The following BOP1 variants were observed in gnomAD, a reference collection of about 807,000 sequenced individuals.
The protein encoded by BOP1 is ribosome biogenesis protein BOP1.
BOP1 carries 54 observed loss-of-function variants against 82.9 expected under a neutral mutation model. That is an observed-to-expected ratio of 0.65 (90% CI 0.52 to 0.82). The LOEUF is 0.82. BOP1 is among the 40% of genes least tolerant of loss of function. The pLI, the probability that BOP1 is intolerant of heterozygous loss-of-function variation, is 0.00. For synonymous variants in BOP1, 566 were observed against 451.1 expected, an observed-to-expected ratio of 1.25 and a Z score of -3.23; for missense variants, 1,170 against 1,072.0, an observed-to-expected ratio of 1.09 and a Z score of -1.28.
At position 144,262,462 on chromosome 8, in the gene BOP1, C is replaced by G; in HGVS notation, c.2021G>C (p.Arg674Pro). The G allele has an allele frequency of 6.2e-7, 1 of 1,612,868 alleles. No homozygotes were observed. Among genetic ancestry groups the G allele is most frequent in the Non-Finnish European group, 8.5e-7 (1 of 1,179,826 alleles). Reference sequence around the variant, plus strand: ...CGAGCCTGACGCAAAGAGTGGGTACCGCGGGTGGAAGGCCACAGCCCGCAG... The same window carrying G: ...CGAGCCTGACGCAAAGAGTGGGTACGGCGGGTGGAAGGCCACAGCCCGCAG... ...KALRAVAFHP[R>P]YPLFASGSDD... The change falls in exon 15 of 16, where the codon CGG (arginine) becomes CCG (proline). Residue 674 changes from arginine to proline, a missense_variant. Coordinates refer to ENST00000569669, the MANE Select transcript of BOP1 (RefSeq NM_015201.5).
chr8:144,263,294 T>A lies in BOP1; in HGVS notation c.1532A>T (p.Gln511Leu), dbSNP rs782523473. ...TGAGGCCTCCAGCCAGCGGGCCGGC[T>A]GCAAGGGGGGCTCCTCAGGCGGGAC... ...AFVPPEEPPLQPARWLEASEE... is the reference protein window; with the variant it reads ...AFVPPEEPPLLPARWLEASEE... The change falls in exon 12 of 16, where the codon CAG becomes CTG. Residue 511 changes from glutamine to leucine, a missense_variant. By Grantham distance (113) the Gln-to-Leu change is moderately radical (BLOSUM62 -2). Coordinates refer to ENST00000569669, the MANE Select transcript of BOP1 (RefSeq NM_015201.5). 6.3e-7 allele frequency: 1 copy of A among 1,594,296 alleles called. No individual in the cohort carries two copies. The highest frequency in any genetic ancestry group is 1.1e-5 in the South Asian group (1 of 90,618).
chr8:144,263,097 G>C lies in BOP1; in HGVS notation c.1650C>G (p.Ala550=), dbSNP rs1488579196. 2.5e-6 allele frequency: 4 copies of C among 1,592,534 alleles called. No individual in the cohort carries two copies. The highest frequency in any genetic ancestry group is 8.5e-7 in the Non-Finnish European group (1 of 1,178,346). ...TGTGGCCTTGGGTGGCCAGCACCAC[G>C]GCCAGGTAGTCCCCACGCCCGTGCC... The part of the protein sequence containing the change: ...VTWHGRGDYL[A]VVLATQGHTQ... Residue 550 remains alanine, a synonymous_variant, in exon 13 of 16, where the codon GCC becomes GCG. Transcript: ENST00000569669.
chr8:144,283,477 C>T (rs72695492), intron 2 of BOP1, among the ~76,000 whole-genome samples: 6,764 of 152,218 alleles, frequency 0.044, 221 homozygotes, highest in Non-Finnish European at 0.069. Context: ...ATGCCTGGCT[C>T]ATTTTTTAAA....
intron 3 of BOP1, chr8:144,266,456 C>G (rs1262025256): frequency 6.2e-6 from 6 of 969,146 alleles, no homozygotes; most frequent in Non-Finnish European, 7.4e-6. Flanking sequence ...CCGCTCCGGC[C>G]CGGGACGCAC....
chr8:144,271,383 T>G (rs1845489956), intron 3 of BOP1, among the ~76,000 whole-genome samples: 1 of 151,994 alleles, frequency 6.6e-6, no homozygotes, highest in Non-Finnish European at 1.5e-5. Flanking sequence ...TCTCTCCTCG[T>G]TCCGCCTCTC....
chr8:144,264,724 T>A lies in BOP1; in HGVS notation c.653A>T (p.Asn218Ile). The change falls in exon 5 of 16, where the codon AAC (asparagine) becomes ATC (isoleucine). Residue 218 changes from asparagine to isoleucine, a missense_variant. By Grantham distance (149) the Asn-to-Ile change is moderately radical. Coordinates refer to ENST00000569669, the MANE Select transcript of BOP1 (RefSeq NM_015201.5). The part of the protein sequence containing the change: ...QSGQFGDVGF[N>I]PYEPAVDFFS... ...GCCCCTGCCACCTACCTCATAGGGG[T>A]TGAAGCCCACATCCCCAAACTGGCC... 6.3e-7 allele frequency: 1 copy of A among 1,576,220 alleles called. No individual in the cohort carries two copies. The highest frequency in any genetic ancestry group is 1.8e-5 in the Admixed American group (1 of 54,104).
chr8:144,264,011 C>A lies in BOP1; in HGVS notation c.1110G>T (p.Leu370=), dbSNP rs1457887368. Residue 370 remains leucine (L), a synonymous_variant, in exon 8 of 16, where the codon CTG becomes CTT. Coordinates refer to ENST00000569669, the MANE Select transcript of BOP1 (RefSeq NM_015201.5). ...TCTTGCGCTGCCGTGGGCACAGGTA[C>A]AGGTCAAGGCAGCGCTCGAAGCGTT... ...IQERFERCLD[L]YLCPRQRKMR... is the part of the protein sequence containing the mutation. 6.2e-7 allele frequency: 1 copy of A among 1,608,780 alleles called. No individual in the cohort carries two copies. The highest frequency in any genetic ancestry group is 1.3e-5 in the African/African-American group (1 of 74,906).
chr8:144,273,868 G>A (rs963197135), intron 3 of BOP1, among the ~76,000 whole-genome samples: 5 of 152,122 alleles, frequency 3.3e-5, no homozygotes, highest in Admixed American at 6.5e-5. Flanking sequence ...GCCTCCCTCC[G>A]CCTGCTCGCT....
intron 3 of BOP1, among the ~76,000 whole-genome samples, chr8:144,273,626 G>A (rs1845527343): frequency 6.6e-6 from 1 of 152,258 alleles, no homozygotes; most frequent in East Asian, 1.9e-4. Context: ...CGGAGGGGCT[G>A]CTTCGGCAAA....
chr8:144,290,178 G>T (rs1554839970), intron 1 of BOP1, among the ~76,000 whole-genome samples: 1 of 152,046 alleles, frequency 6.6e-6, no homozygotes, highest in East Asian at 1.9e-4. Flanking sequence ...GGCCAACATG[G>T]TGAAACCATC....
At chr8:144,273,765 G>A (rs949340780) in intron 3 of BOP1, among the ~76,000 whole-genome samples, 8 of 150,834 alleles carry the variant, frequency 5.3e-5, no homozygotes, top group Admixed American at 2.6e-4. Context: ...ATGCGGGGGC[G>A]GGGCAGCCGC....
intron 13 of BOP1, 47 bp from the exon 14 acceptor site, chr8:144,262,719 G>A (rs1845238699): frequency 6.3e-7 from 1 of 1,599,488 alleles, no homozygotes; most frequent in Non-Finnish European, 8.5e-7. Flanking sequence ...TCACCTGCAG[G>A]GTGCACTGCC....
At chr8:144,263,956 C>G in intron 8 of BOP1, 25 bp downstream of exon 8, 1 of 1,611,286 alleles carries the variant, frequency 6.2e-7, no homozygotes, top group Non-Finnish European at 8.5e-7. Flanking sequence ...CTGTGCCACC[C>G]CCCTGGTGTG....
At chr8:144,277,697 T>TG (rs1376706973) in intron 2 of BOP1, among the ~76,000 whole-genome samples, 2 of 149,216 alleles carry the variant, frequency 1.3e-5, no homozygotes, top group Non-Finnish European at 3.0e-5. Context: ...TCGAAGGTGC[T>TG]GGGTTCCCAG....
intron 2 of BOP1, among the ~76,000 whole-genome samples, chr8:144,280,394 AC>A (rs1328752878): frequency 6.6e-6 from 1 of 152,206 alleles, no homozygotes; most frequent in African/African-American, 2.4e-5. Flanking sequence ...CGGCACCAGC[AC>A]CCAGACCCCA....
chr8:144,263,771 C>T lies in BOP1; in HGVS notation c.1222-10G>A, dbSNP rs924491614. 3.9e-3 allele frequency: 6,264 copies of T among 1,591,280 alleles called. 162 individuals are homozygous for T. The African/African-American group carries it at 0.062, about 16-fold the overall frequency. On this transcript the variant is annotated splice_polypyrimidine_tract_variant and intron_variant, in intron 9 of 15. Coordinates refer to ENST00000569669, the MANE Select transcript of BOP1 (RefSeq NM_015201.5). ...TGTGGCCCCTGTAGACCTGAGGAGG[C>T]GGCGGCAGTGAGGAGTCAGACTGGG...
At chr8:144,290,703 C>T (rs757430652) in intron 1 of BOP1, among the ~76,000 whole-genome samples, 1 of 152,212 alleles carries the variant, frequency 6.6e-6, no homozygotes, top group Non-Finnish European at 1.5e-5. Context: ...GTTGAATTCG[C>T]TTCACAAAGC....
In BOP1 at chr8:144,264,302, G is replaced by A; in HGVS notation, c.901C>T (p.Pro301Ser). 2.5e-6 allele frequency: 4 copies of A among 1,611,118 alleles called. No homozygotes were observed. Among genetic ancestry groups the A allele is most frequent in the Non-Finnish European group, 3.4e-6 (4 of 1,179,608 alleles). The change falls in exon 7 of 16, where the codon CCT becomes TCT. Residue 301 changes from proline (P) to serine (S), a missense_variant. Pro to Ser is a moderately conservative substitution (Grantham distance 74, BLOSUM62 -1). Transcript: ENST00000569669. ...AVLGRHKMHVPAPKLALPGHA... is the reference protein window; with the variant it reads ...AVLGRHKMHVSAPKLALPGHA... ...CCTGGCAGGGCCAGCTTGGGAGCAG[G>A]TACGTGCATCTTGTGGCGCCCGAGC...
chr8:144,271,421 A>C (rs1845490687), intron 3 of BOP1, among the ~76,000 whole-genome samples: 1 of 151,916 alleles, frequency 6.6e-6, no homozygotes, highest in African/African-American at 2.4e-5. Context: ...GCGTGGGGTC[A>C]GCCGCCCTCG....
Sources: gnomAD v4.1 joint callset for allele counts (sites outside exome capture counted in the v4.1 genomes callset) on GRCh38, gnomAD v4.1.1 for gene constraint, MANE v1.5 for transcripts, NCBI Gene and HGNC (gene_info 2026-07-23, HGNC 2026-07-21) for gene names.